CELF4: variants seen among roughly 807,000 people sequenced by gnomAD.
CELF4 encodes the protein CUGBP Elav-like family member 4.
CELF4 carries 18 observed loss-of-function variants against 59.9 expected under a neutral mutation model. The ratio of observed to expected loss-of-function variants is 0.30; its 90% confidence interval spans 0.21 to 0.45. The LOEUF (loss-of-function observed/expected upper bound fraction) is 0.45, where lower values mean the gene tolerates loss of function less well. Among genes scored for constraint, CELF4 ranks in the 20% least tolerant of loss-of-function variants. The pLI is 1.00. For synonymous variants in CELF4, 261 were observed against 267.1 expected, an observed-to-expected ratio of 0.98 and a Z score of 0.22; for missense variants, 456 against 689.0, an observed-to-expected ratio of 0.66 and a Z score of 3.79.
chr18:37,319,132 C>T (rs970059226), intron 3 of CELF4, among the ~76,000 whole-genome samples: 2 of 152,174 alleles, frequency 1.3e-5, no homozygotes, highest in Non-Finnish European at 2.9e-5. Context: ...CTGGCCGGGC[C>T]GTGTGAACTG....
intron 2 of CELF4, among the ~76,000 whole-genome samples, chr18:37,342,862 G>C (rs141836112): frequency 6.6e-6 from 1 of 152,216 alleles, no homozygotes; most frequent in African/African-American, 2.4e-5. Flanking sequence ...GGGTTGCAGC[G>C]TGAAGGATTC....
chr18:37,496,465 T>G (rs1257002942), intron 1 of CELF4, among the ~76,000 whole-genome samples: 2 of 152,206 alleles, frequency 1.3e-5, no homozygotes, highest in African/African-American at 4.8e-5. Context: ...ATCTCGCCTC[T>G]GTCCTCTGGC....
chr18:37,535,980 G>A (rs989129660), intron 1 of CELF4, among the ~76,000 whole-genome samples: 3 of 152,010 alleles, frequency 2.0e-5, no homozygotes, highest in African/African-American at 7.3e-5. Context: ...CCCTCCCCAC[G>A]CCCCTGCACA....
chr18:37,457,182 G>A (rs967083107), intron 2 of CELF4, among the ~76,000 whole-genome samples: 2 of 152,182 alleles, frequency 1.3e-5, no homozygotes, highest in South Asian at 2.1e-4. Context: ...CTTGGGACAA[G>A]GCCCTGGCTC....
chr18:37,278,946 C>T lies in CELF4; in HGVS notation c.449-3703G>A, dbSNP rs117462098. Among the ~76,000 whole-genome samples, 208 of 152,356 alleles carry T rather than the reference C, an allele frequency of 1.4e-3. 2 individuals are homozygous for T. The highest frequency in any genetic ancestry group is 3.8e-3 in the African/African-American group (159 of 41,582). ...GTCTCAAGCTGCATCACATAACCAA[C>T]GGTACCATTTGGCTGGTGTCTTGGG... is the stretch of plus-strand genomic sequence containing the variant. On this transcript the variant is annotated intron_variant, in intron 3 of 12. Coordinates refer to ENST00000420428, the MANE Select transcript of CELF4 (RefSeq NM_020180.4).
chr18:37,261,283 G>A (rs1470413198), intron 10 of CELF4, among the ~76,000 whole-genome samples: 1 of 150,148 alleles, frequency 6.7e-6, no homozygotes, highest in Admixed American at 6.6e-5. Context: ...ACTCTTCCAG[G>A]CCCTGACTGC....
chr18:37,488,592 T>C (rs1436864469), intron 1 of CELF4, among the ~76,000 whole-genome samples: 1 of 150,652 alleles, frequency 6.6e-6, no homozygotes, highest in African/African-American at 2.5e-5. Flanking sequence ...GATGGGAGGG[T>C]TTTTGCCCCA....
chr18:37,252,089 G>A (rs894717598), intron 12 of CELF4, among the ~76,000 whole-genome samples: 1 of 152,166 alleles, frequency 6.6e-6, no homozygotes, highest in African/African-American at 2.4e-5. Flanking sequence ...AGGGTGTTCT[G>A]CTGGTATCTG....
At chr18:37,538,184 G>T (rs1408174225) in intron 1 of CELF4, among the ~76,000 whole-genome samples, 2 of 152,232 alleles carry the variant, frequency 1.3e-5, no homozygotes, top group Non-Finnish European at 1.5e-5. Flanking sequence ...GGTCTCTCCT[G>T]TGTGCACCTC....
chr18:37,264,071 G>C (rs2076234801), intron 10 of CELF4, among the ~76,000 whole-genome samples: 1 of 152,152 alleles, frequency 6.6e-6, no homozygotes, highest in Non-Finnish European at 1.5e-5. Context: ...ATCAGAGCTG[G>C]TTCTGCAAAC....
chr18:37,558,291 C>A (rs975842782), intron 1 of CELF4, among the ~76,000 whole-genome samples: 1 of 151,476 alleles, frequency 6.6e-6, no homozygotes, highest in Non-Finnish European at 1.5e-5. Context: ...TAGGGCTATG[C>A]GGAACTTGAT....
In CELF4 at chr18:37,254,039, G is replaced by A; in HGVS notation, c.1334-101C>T. On this transcript the variant is annotated intron_variant, in intron 11 of 12. Transcript: ENST00000420428. The surrounding 1 kb of genome is among the most constrained non-coding windows in gnomAD (Gnocchi z 5.1). The stretch of plus-strand genomic sequence containing the variant: ...GGACAGGGGGGCGGGGCGGGCCTGA[G>A]GCTCTCCCCCTCGGGCCCCGCCCCC... The A allele has an allele frequency of 1.1e-6, 1 of 884,274 alleles. No homozygotes were observed. The highest frequency in any genetic ancestry group is 1.8e-5 in the African/African-American group (1 of 55,554). The allele number at this position is 884,274 out of a possible 1,614,324, so 54.8% of individuals were successfully genotyped here.
At chr18:37,289,653 C>T (rs2095178660) in intron 3 of CELF4, among the ~76,000 whole-genome samples, 1 of 152,166 alleles carries the variant, frequency 6.6e-6, no homozygotes, top group African/African-American at 2.4e-5. Context: ...CATCTCCACA[C>T]ATCCTGTCCA....
intron 2 of CELF4, among the ~76,000 whole-genome samples, chr18:37,428,267 C>T (rs981133956): frequency 2.0e-5 from 3 of 151,950 alleles, no homozygotes; most frequent in African/African-American, 7.3e-5. Flanking sequence ...AAGATTTGGC[C>T]AGTGGCTGAG....
chr18:37,546,177 A>C (rs2099981366), intron 1 of CELF4, among the ~76,000 whole-genome samples: 1 of 152,170 alleles, frequency 6.6e-6, no homozygotes, highest in African/African-American at 2.4e-5. Flanking sequence ...ATAGACGTAC[A>C]CACAATCTGT....
At chr18:37,546,899 A>G (rs1466967725) in intron 1 of CELF4, among the ~76,000 whole-genome samples, 1 of 152,168 alleles carries the variant, frequency 6.6e-6, no homozygotes. Flanking sequence ...CAACACATGC[A>G]GTACCTCCAG....
intron 3 of CELF4, among the ~76,000 whole-genome samples, chr18:37,279,023 C>T (rs999044189): frequency 1.1e-4 from 16 of 152,112 alleles, no homozygotes; most frequent in East Asian, 1.9e-4. Context: ...TTCCCCAGCC[C>T]GTGCCCACCC....
intron 2 of CELF4, among the ~76,000 whole-genome samples, chr18:37,471,322 T>C (rs984816138): frequency 6.6e-6 from 1 of 152,124 alleles, no homozygotes; most frequent in African/African-American, 2.4e-5. Flanking sequence ...GACCATGCTA[T>C]GTACCATGTG....
intron 2 of CELF4, among the ~76,000 whole-genome samples, chr18:37,339,957 C>T (rs998602216): frequency 5.9e-5 from 9 of 152,138 alleles, no homozygotes; most frequent in African/African-American, 2.2e-4. Flanking sequence ...GTGTGTCCGG[C>T]TGTTTCCCCC....
Sources: allele counts gnomAD v4.1 joint callset (sites outside exome capture counted in the v4.1 genomes callset), GRCh38; gene constraint gnomAD v4.1.1; non-coding constraint Gnocchi (gnomAD v3.1); transcripts MANE v1.5; gene names NCBI Gene and HGNC (gene_info 2026-07-23, HGNC 2026-07-21).